Variants in LAMA4 observed in about 807,000 individuals in gnomAD.
The protein encoded by LAMA4 is laminin subunit alpha 4.
Under a neutral mutation model 207.1 loss-of-function variants are expected in LAMA4, and 127 were observed. The ratio of observed to expected loss-of-function variants is 0.61; its 90% CI spans 0.53 to 0.71. The LOEUF (loss-of-function observed/expected upper bound fraction) is 0.71, where lower values mean the gene tolerates loss of function less well. LAMA4 is among the 30% of genes least tolerant of loss of function. LAMA4 has a pLI of 0.00. For missense variants in LAMA4, 2,093 were observed against 2,246.5 expected, an observed-to-expected ratio of 0.93 and a Z score of 1.38; for synonymous variants, 761 against 816.0, an observed-to-expected ratio of 0.93 and a Z score of 1.15.
rs1787660744 is a variant in LAMA4 at position 112,253,947 on chromosome 6, A to T, written c.195+9T>A. On this transcript the variant is annotated intron_variant, in intron 2 of 38. Transcript: ENST00000230538. ...CCCCAGCAGGGTGGCAATGGCAGGG[A>T]CACTGTACCTCGGCCGCAGGCGGCA... 2 of 1,603,746 alleles carry T rather than the reference A, an allele frequency of 1.2e-6. No homozygotes were observed. Among genetic ancestry groups the T allele is most frequent in the Non-Finnish European group, 8.5e-7 (1 of 1,174,676 alleles).
chr6:112,190,943 CTTTCCTTTCTTTCTTTCTTT>C (rs1783053885), intron 6 of LAMA4, among the ~76,000 whole-genome samples: 2 of 42,432 alleles, frequency 4.7e-5, no homozygotes, highest in South Asian at 9.8e-4. Context: ...TTCTTTCTTT[CTTTCCTTTCTTTCTTTCTTT>C]CTTTCTTTCT....
rs1583613410 is a variant in LAMA4 at position 112,108,052 on chromosome 6, A to G, written c.*1385T>C. Among the ~76,000 whole-genome samples, 1 of 152,200 alleles carries G rather than the reference A, an allele frequency of 6.6e-6. No homozygotes were observed. The highest frequency in any genetic ancestry group is 1.9e-4 in the East Asian group (1 of 5,198). ...CATTATCATTATTTGTATATTTCAG[A>G]CAGAAGGGTAGCAGGGGATATAGGT... On this transcript the variant is annotated 3_prime_UTR_variant, in exon 39 of 39. Coordinates refer to ENST00000230538, the MANE Select transcript of LAMA4 (RefSeq NM_001105206.3).
At chr6:112,145,689 G>A (rs1779983867) in intron 18 of LAMA4, among the ~76,000 whole-genome samples, 1 of 152,126 alleles carries the variant, frequency 6.6e-6, no homozygotes, top group African/African-American at 2.4e-5. Context: ...ACCTGACCCC[G>A]AGCATGACAT....
intron 16 of LAMA4, among the ~76,000 whole-genome samples, chr6:112,154,357 C>CAAAAAAAAAAAAAA: frequency 8.3e-6 from 1 of 120,252 alleles, no homozygotes; most frequent in Non-Finnish European, 1.8e-5. Context: ...ACACAAACTA[C>CAAAAAAAAAAAAAA]AAAAAAAAAA....
intron 4 of LAMA4, 51 bp downstream of exon 4, chr6:112,206,970 A>T: frequency 6.2e-7 from 1 of 1,602,078 alleles, no homozygotes; most frequent in South Asian, 1.1e-5. Flanking sequence ...AACAAAACAA[A>T]ACAATACATA....
At chr6:112,163,191 G>A (rs1476973064) in intron 13 of LAMA4, among the ~76,000 whole-genome samples, 1 of 151,908 alleles carries the variant, frequency 6.6e-6, no homozygotes, top group Non-Finnish European at 1.5e-5. Flanking sequence ...TGTTTCCCAG[G>A]CTGGTCTTGA....
intron 38 of LAMA4, among the ~76,000 whole-genome samples, chr6:112,111,770 CTG>C (rs1323872016): frequency 1.5e-4 from 23 of 152,202 alleles, no homozygotes; most frequent in African/African-American, 5.5e-4. Context: ...GCTATTCATT[CTG>C]TGTTTCAGGC....
chr6:112,109,555 G>T lies in LAMA4; in HGVS notation c.5354C>A (p.Pro1785His), dbSNP rs782523155. The T allele has an allele frequency of 6.2e-7, 1 of 1,614,054 alleles. No homozygotes were observed. Among genetic ancestry groups the T allele is most frequent in the South Asian group, 1.1e-5 (1 of 91,086 alleles). Residue 1785 changes from proline (P) to histidine (H), a missense_variant, in exon 39 of 39, where the codon CCC (proline) becomes CAC (histidine). Pro to His is a moderately conservative substitution (Grantham distance 77, BLOSUM62 -2). Transcript: ENST00000230538. ...PESLLTPRLA[P>H]SKPFTGCIRH... ...TATGCAGCCTGTGAAGGGTTTGCTG[G>T]GGGCCAAGCGTGGTGTCAGTAGAGA...
intron 13 of LAMA4, chr6:112,159,381 AC>A (rs1780920462): frequency 6.1e-6 from 1 of 163,520 alleles, no homozygotes; most frequent in South Asian, 1.7e-4. Flanking sequence ...TTTTCATCTG[AC>A]CTTTCAGTTA....
chr6:112,248,488 G>T (rs1450014765), intron 2 of LAMA4, among the ~76,000 whole-genome samples: 2 of 124,774 alleles, frequency 1.6e-5, no homozygotes, highest in Admixed American at 8.6e-5. Flanking sequence ...GACAGAGGGA[G>T]ACTCTGTCTC....
chr6:112,147,677 T>C (rs1780113487), intron 18 of LAMA4, among the ~76,000 whole-genome samples: 1 of 152,208 alleles, frequency 6.6e-6, no homozygotes, highest in South Asian at 2.1e-4. Flanking sequence ...ACGCTGTTCT[T>C]AATAGAAAGC....
At chr6:112,134,394 A>T in intron 26 of LAMA4, 73 bp downstream of exon 26, 1 of 1,479,748 alleles carries the variant, frequency 6.8e-7, no homozygotes, top group Non-Finnish European at 9.4e-7. Flanking sequence ...GTACACTGTT[A>T]CTAGACCTCT....
At chr6:112,220,534 C>T (rs547986243) in intron 2 of LAMA4, among the ~76,000 whole-genome samples, 1 of 152,078 alleles carries the variant, frequency 6.6e-6, no homozygotes, top group Non-Finnish European at 1.5e-5. Flanking sequence ...ATGTTGTTAT[C>T]ACTGCAGAAG....
At chr6:112,162,373 G>A (rs1213893177) in intron 13 of LAMA4, 2 of 152,274 alleles carry the variant, frequency 1.3e-5, no homozygotes, top group Non-Finnish European at 2.9e-5. Context: ...TCGGGAGGCT[G>A]AGGCAGGAGA....
intron 2 of LAMA4, among the ~76,000 whole-genome samples, chr6:112,233,160 C>A (rs1269110656): frequency 1.3e-5 from 2 of 152,182 alleles, no homozygotes; most frequent in East Asian, 1.9e-4. Context: ...TGATGTCACG[C>A]CAAATGCTAT....
chr6:112,129,562 C>T (rs781806813), intron 30 of LAMA4, among the ~76,000 whole-genome samples: 13 of 152,108 alleles, frequency 8.5e-5, no homozygotes, highest in Non-Finnish European at 2.9e-5. Flanking sequence ...GTATGCCAGA[C>T]ACTGTACAAG....
In LAMA4 at chr6:112,250,146, T is replaced by C. The variant is rs558241750; in HGVS notation, c.195+3810A>G. ...CATGTAAGGGGTTCAGATTACCTAA[T>C]TGAATTGTTGGAACAGCAATGTAGA... On this transcript the variant is annotated intron_variant, in intron 2 of 38. Transcript: ENST00000230538. Among the ~76,000 whole-genome samples, 38 of 152,326 alleles carry C rather than the reference T, an allele frequency of 2.5e-4. 1 individual carries two copies. The South Asian group carries it at 6.4e-3, about 26-fold the overall frequency.
At position 112,136,089 on chromosome 6, in the gene LAMA4, A is replaced by G. The variant is rs782042563; in HGVS notation, c.3414+34T>C. 34 of 1,603,390 alleles carry G rather than the reference A, an allele frequency of 2.1e-5. 1 individual carries two copies. In the South Asian group the frequency reaches 3.7e-4, roughly 18 times the overall value. The stretch of plus-strand genomic sequence containing the variant: ...TCAACAGATCTAAGTATAAAGAACA[A>G]AAACAAAACCAACCAAACTACAATG... On this transcript the variant is annotated intron_variant, in intron 25 of 38. Transcript: ENST00000230538.
chr6:112,175,308 C>G lies in LAMA4; in HGVS notation c.1357+5G>C. 6.2e-7 allele frequency: 1 copy of G among 1,613,742 alleles called. No individual in the cohort carries two copies. The highest frequency in any genetic ancestry group is 8.5e-7 in the Non-Finnish European group (1 of 1,179,834). ...CTGGGTCAGCTATGAGAGGAATACA[C>G]CTACGTTCGTAAGCCTCATCTGCCT... On this transcript the variant is annotated splice_donor_5th_base_variant and intron_variant, in intron 11 of 38. Transcript: ENST00000230538.
Sources: allele counts gnomAD v4.1 joint callset (sites outside exome capture counted in the v4.1 genomes callset), GRCh38; gene constraint gnomAD v4.1.1; transcripts MANE v1.5; gene names NCBI Gene and HGNC (gene_info 2026-07-23, HGNC 2026-07-21).